Variants in ULK4 observed in about 807,000 individuals in gnomAD.
ULK4 encodes the protein inactive serine/threonine-protein kinase ULK4.
In ULK4, 133 loss-of-function variants were observed where a neutral mutation model predicts 160.6. The observed-to-expected ratio is 0.83, with a 90% CI of 0.72 to 0.96. ULK4 has a LOEUF of 0.96. Ranked by LOEUF, ULK4 falls within the 40% of genes least tolerant of loss-of-function variation. The pLI, the probability that ULK4 is intolerant of heterozygous loss-of-function variation, is 0.00. For synonymous variants in ULK4, 534 were observed against 539.8 expected (o/e 0.99, Z 0.15); for missense variants, 1,580 against 1,499.5 (o/e 1.05, Z -0.89).
intron 27 of ULK4, among the ~76,000 whole-genome samples, chr3:41,686,077 T>C (rs1559484569): frequency 6.6e-6 from 1 of 152,334 alleles, no homozygotes; most frequent in Middle Eastern, 3.4e-3. Flanking sequence ...ACTATAGTCA[T>C]TGATGGACTT....
intron 27 of ULK4, among the ~76,000 whole-genome samples, chr3:41,700,306 A>G (rs1488865054): frequency 6.6e-6 from 1 of 152,176 alleles, no homozygotes; most frequent in East Asian, 1.9e-4. Context: ...AACAAAGGTT[A>G]TCAGTGGGAC....
At chr3:41,482,086 T>C (rs1371571592) in intron 32 of ULK4, among the ~76,000 whole-genome samples, 2 of 152,138 alleles carry the variant, frequency 1.3e-5, no homozygotes, top group African/African-American at 4.8e-5. Context: ...CTTTACTTAA[T>C]ATATTTGCTT....
chr3:41,424,473 G>A (rs2082732171), intron 34 of ULK4, among the ~76,000 whole-genome samples: 1 of 152,110 alleles, frequency 6.6e-6, no homozygotes, highest in Non-Finnish European at 1.5e-5. Flanking sequence ...CTGTGTAGGA[G>A]CCCCCAACAG....
At chr3:41,496,387 G>A (rs1278070738) in intron 32 of ULK4, among the ~76,000 whole-genome samples, 1 of 151,978 alleles carries the variant, frequency 6.6e-6, no homozygotes, top group African/African-American at 2.4e-5. Context: ...AGCAATATAA[G>A]ACTCTGACTC....
intron 17 of ULK4, among the ~76,000 whole-genome samples, chr3:41,836,986 A>G (rs889719071): frequency 6.6e-6 from 1 of 152,256 alleles, no homozygotes; most frequent in Non-Finnish European, 1.5e-5. Flanking sequence ...CACTACTCTC[A>G]ATGTGACTCA....
intron 25 of ULK4, among the ~76,000 whole-genome samples, chr3:41,706,010 T>C (rs1324668280): frequency 6.6e-6 from 1 of 152,110 alleles, no homozygotes; most frequent in Non-Finnish European, 1.5e-5. Flanking sequence ...AGATAGTAGT[T>C]TCGCTCTCAA....
At chr3:41,603,751 T>C (rs28478928) in intron 31 of ULK4, among the ~76,000 whole-genome samples, 7,678 of 152,188 alleles carry the variant, frequency 0.05, 453 homozygotes, top group African/African-American at 0.14. Context: ...GGGACTTCTC[T>C]GTCCTATCTC....
At chr3:41,858,773 G>A (rs116228527) in intron 17 of ULK4, among the ~76,000 whole-genome samples, 1,893 of 151,314 alleles carry the variant, frequency 0.013, 37 homozygotes, top group African/African-American at 0.041. Flanking sequence ...CCAAAGTGTC[G>A]GGATTATAGG....
intron 29 of ULK4, among the ~76,000 whole-genome samples, chr3:41,676,764 T>A (rs749678397): frequency 2.6e-5 from 4 of 152,116 alleles, no homozygotes; most frequent in African/African-American, 7.2e-5. Flanking sequence ...AGAGAAAATA[T>A]TGTCTCTCCA....
intron 16 of ULK4, among the ~76,000 whole-genome samples, chr3:41,886,720 C>A (rs1341312708): frequency 1.3e-5 from 2 of 152,052 alleles, no homozygotes; most frequent in Admixed American, 6.5e-5. Context: ...GGATTACAGG[C>A]ACGCACCACC....
At chr3:41,492,906 A>T (rs2084840242) in intron 32 of ULK4, among the ~76,000 whole-genome samples, 1 of 144,874 alleles carries the variant, frequency 6.9e-6, no homozygotes, top group African/African-American at 2.6e-5. Flanking sequence ...CACCCAATAC[A>T]GGAGCACCCA....
At chr3:41,433,729 T>A (rs1575552945) in intron 34 of ULK4, among the ~76,000 whole-genome samples, 1 of 30,988 alleles carries the variant, frequency 3.2e-5, no homozygotes, top group Non-Finnish European at 5.3e-5. Context: ...AATCCCAAAC[T>A]TTTTTTTTGA....
intron 16 of ULK4, among the ~76,000 whole-genome samples, chr3:41,895,006 T>A (rs182007539): frequency 1.1e-3 from 168 of 152,304 alleles, no homozygotes; most frequent in African/African-American, 3.9e-3. Flanking sequence ...CTAGGGAAGC[T>A]ATGTGCTACA....
intron 18 of ULK4, among the ~76,000 whole-genome samples, chr3:41,834,086 T>C (rs764774132): frequency 6.6e-6 from 1 of 151,334 alleles, no homozygotes; most frequent in Non-Finnish European, 1.5e-5. Flanking sequence ...ATAATATTTA[T>C]TGGGGAGCTG....
intron 18 of ULK4, among the ~76,000 whole-genome samples, chr3:41,826,792 C>A (rs1321403269): frequency 6.8e-6 from 1 of 146,014 alleles, no homozygotes; most frequent in Non-Finnish European, 1.5e-5. Context: ...TTGAACACAG[C>A]TATGCACCAA....
At chr3:41,897,856 C>T (rs1698218672) in intron 14 of ULK4, among the ~76,000 whole-genome samples, 1 of 152,116 alleles carries the variant, frequency 6.6e-6, no homozygotes, top group Non-Finnish European at 1.5e-5. Context: ...TTCCCCAAAT[C>T]GAGTTTAACA....
chr3:41,672,092 G>A (rs142159489), intron 29 of ULK4, among the ~76,000 whole-genome samples: 250 of 152,196 alleles, frequency 1.6e-3, no homozygotes, highest in African/African-American at 5.5e-3. Context: ...GCAAGGATGC[G>A]GAGAAAAGGG....
chr3:41,823,846 A>G (rs2041236829), intron 18 of ULK4, among the ~76,000 whole-genome samples: 1 of 152,168 alleles, frequency 6.6e-6, no homozygotes, highest in Non-Finnish European at 1.5e-5. Context: ...TTATTCAAAT[A>G]GCCTAGCTTG....
chr3:41,859,558 A>G, intron 17 of ULK4: 1 of 539,660 alleles, frequency 1.9e-6, no homozygotes, highest in Non-Finnish European at 3.8e-6. Flanking sequence ...GAACATGCTC[A>G]TCACAGCGAA....
Sources: gnomAD v4.1 joint callset for allele counts (sites outside exome capture counted in the v4.1 genomes callset) on GRCh38, gnomAD v4.1.1 for gene constraint, MANE v1.5 for transcripts, NCBI Gene and HGNC (gene_info 2026-07-23, HGNC 2026-07-21) for gene names.